FBXO34: variants seen among roughly 807,000 people sequenced by gnomAD.
The protein encoded by FBXO34 is F-box protein 34.
In FBXO34, 12 loss-of-function variants were observed where a neutral mutation model predicts 24.5. The observed-to-expected ratio is 0.49, with a 90% CI of 0.31 to 0.79. The LOEUF (loss-of-function observed/expected upper bound fraction) is 0.79. Ranked by LOEUF, FBXO34 falls within the 30% of genes least tolerant of loss-of-function variation. FBXO34 has a pLI of 0.04. For missense variants in FBXO34, 823 were observed against 857.7 expected, an observed-to-expected ratio of 0.96 and a Z score of 0.51; for synonymous variants, 320 against 311.9, an observed-to-expected ratio of 1.03 and a Z score of -0.27.
At chr14:55,376,744 C>T in the FBXO34 span, among the ~76,000 whole-genome samples, 2 of 152,152 alleles carry the variant, frequency 1.3e-5, no homozygotes. Flanking sequence ...TTTGTCTTTT[C>T]TTGAGTTCTC....
the FBXO34 span, chr14:55,411,875 A>G: frequency 2.7e-6 from 4 of 1,495,824 alleles, no homozygotes; most frequent in Admixed American, 2.0e-5. Flanking sequence ...AACCGGGTGC[A>G]TTCTGGGCCA....
intron 1 of FBXO34, among the ~76,000 whole-genome samples, chr14:55,282,142 G>A (rs527295867): frequency 3.2e-4 from 49 of 151,656 alleles, no homozygotes; most frequent in African/African-American, 9.9e-4. Context: ...GACTACAGGC[G>A]CATGCCACCA....
the FBXO34 span, among the ~76,000 whole-genome samples, chr14:55,435,183 A>AT: frequency 6.6e-6 from 1 of 152,254 alleles, no homozygotes; most frequent in Non-Finnish European, 1.5e-5. Context: ...GGAAAGATAC[A>AT]TAAGTGTCAG....
At chr14:55,328,782 G>A (rs1337667878) in intron 1 of FBXO34, among the ~76,000 whole-genome samples, 2 of 152,130 alleles carry the variant, frequency 1.3e-5, no homozygotes, top group Non-Finnish European at 2.9e-5. Flanking sequence ...TGTTTGAGGT[G>A]CCCTGGGGTA....
the FBXO34 span, among the ~76,000 whole-genome samples, chr14:55,429,541 C>T: frequency 1.3e-5 from 2 of 152,098 alleles, no homozygotes; most frequent in African/African-American, 4.8e-5. Flanking sequence ...AGGCAGGCAG[C>T]TCACCTGAGG....
the FBXO34 span, chr14:55,377,852 T>C: frequency 5.0e-6 from 8 of 1,601,908 alleles, no homozygotes; most frequent in Admixed American, 1.4e-4. Context: ...ACTGACCAGG[T>C]ACATTAGATT....
At chr14:55,372,554 T>C (rs1884842465), downstream of FBXO34, among the ~76,000 whole-genome samples, 2 of 150,974 alleles carry the variant, frequency 1.3e-5, no homozygotes, top group African/African-American at 4.9e-5. Flanking sequence ...TCTTTCCCTT[T>C]CTCCCTCCCT....
intron 1 of FBXO34, among the ~76,000 whole-genome samples, chr14:55,307,988 C>G (rs1882610197): frequency 6.6e-6 from 1 of 152,134 alleles, no homozygotes; most frequent in Non-Finnish European, 1.5e-5. Context: ...ATCATGAGGG[C>G]AGGTTTCTCC....
intron 1 of FBXO34, among the ~76,000 whole-genome samples, chr14:55,332,558 C>G (rs72717708): frequency 0.011 from 1,702 of 152,206 alleles, 14 homozygotes; most frequent in Middle Eastern, 0.027. Context: ...CTCAGATTGT[C>G]TTTTACTTTG....
chr14:55,378,967 C>G, the FBXO34 span, among the ~76,000 whole-genome samples: 1 of 152,054 alleles, frequency 6.6e-6, no homozygotes, highest in African/African-American at 2.4e-5. Context: ...CTCAGCTTCC[C>G]AAAGTGCTGG....
intron 1 of FBXO34, among the ~76,000 whole-genome samples, chr14:55,287,412 C>T (rs1339840550): frequency 6.6e-6 from 1 of 152,016 alleles, no homozygotes; most frequent in African/African-American, 2.4e-5. Context: ...TTTTCTTATA[C>T]TTATTCACAC....
chr14:55,386,188 T>G, the FBXO34 span: 1 of 1,138,902 alleles, frequency 8.8e-7, no homozygotes, highest in Non-Finnish European at 1.3e-6. Context: ...TGTTTTCCCT[T>G]GCAATCTAAA....
downstream of FBXO34, among the ~76,000 whole-genome samples, chr14:55,373,262 T>C (rs544030887): frequency 6.6e-6 from 1 of 152,358 alleles, no homozygotes; most frequent in East Asian, 1.9e-4. Context: ...CTCATGGTGC[T>C]GCAGGGAGGT....
downstream of FBXO34, among the ~76,000 whole-genome samples, chr14:55,363,140 A>T (rs975769805): frequency 4.7e-5 from 7 of 150,474 alleles, no homozygotes; most frequent in South Asian, 4.2e-4. Flanking sequence ...CTCCCGCGTC[A>T]GACTCCTGAG....
chr14:55,397,872 G>C, the FBXO34 span, among the ~76,000 whole-genome samples: 1 of 150,490 alleles, frequency 6.6e-6, no homozygotes, highest in Non-Finnish European at 1.5e-5. Context: ...TAATTTTATT[G>C]CTAGTTATCA....
At chr14:55,281,940 G>GT (rs1249723748) in intron 1 of FBXO34, among the ~76,000 whole-genome samples, 6 of 119,718 alleles carry the variant, frequency 5.0e-5, no homozygotes, top group African/African-American at 2.0e-4. Context: ...GTAGCTTTAC[G>GT]TTTTTTTGAA....
chr14:55,289,507 G>T (rs1474765381), intron 1 of FBXO34, among the ~76,000 whole-genome samples: 1 of 151,976 alleles, frequency 6.6e-6, no homozygotes, highest in Non-Finnish European at 1.5e-5. Flanking sequence ...TCCGGTATAC[G>T]ATTCTTTCTT....
chr14:55,391,983 CA>C, the FBXO34 span, among the ~76,000 whole-genome samples: 1 of 152,276 alleles, frequency 6.6e-6, no homozygotes, highest in Non-Finnish European at 1.5e-5. Flanking sequence ...TTAGGTTCAG[CA>C]CCCCCTAAAG....
the FBXO34 span, among the ~76,000 whole-genome samples, chr14:55,420,876 G>A: frequency 5.3e-5 from 8 of 151,900 alleles, no homozygotes; most frequent in Admixed American, 1.3e-4. Context: ...TGGCCAACAC[G>A]GTGAAACCCC....
Sources: gnomAD v4.1 joint callset for allele counts (sites outside exome capture counted in the v4.1 genomes callset) on GRCh38, gnomAD v4.1.1 for gene constraint, MANE v1.5 for transcripts, NCBI Gene and HGNC (gene_info 2026-07-23, HGNC 2026-07-21) for gene names.